Variants in SPAG16 observed in about 807,000 individuals in gnomAD.
The protein encoded by SPAG16 is sperm associated antigen 16, also known as sperm-associated antigen 16 protein.
A neutral mutation model predicts 80.4 loss-of-function variants in SPAG16; 86 were observed. The ratio of observed to expected loss-of-function variants is 1.07; its 90% CI spans 0.90 to 1.28. SPAG16 has a LOEUF of 1.28. Ranked by LOEUF, SPAG16 falls within the 50% of genes most tolerant of loss-of-function variation. SPAG16 has a pLI of 0.00. For synonymous variants in SPAG16, 294 were observed against 265.9 expected (o/e 1.11, Z -1.03); for missense variants, 870 against 765.3 (o/e 1.14, Z -1.61).
intron 12 of SPAG16, among the ~76,000 whole-genome samples, chr2:213,954,177 C>T (rs1320476012): frequency 1.3e-5 from 2 of 150,818 alleles, no homozygotes; most frequent in African/African-American, 4.9e-5. Context: ...TCACTGTTGC[C>T]AGGCTGTAGT....
At chr2:214,393,038 G>A (rs1388738414) in intron 15 of SPAG16, among the ~76,000 whole-genome samples, 2 of 152,166 alleles carry the variant, frequency 1.3e-5, no homozygotes, top group African/African-American at 4.8e-5. Context: ...ATGAAACTTC[G>A]TGGTGGAAGG....
chr2:214,188,017 A>G (rs1035286404), intron 15 of SPAG16, among the ~76,000 whole-genome samples: 1 of 152,100 alleles, frequency 6.6e-6, no homozygotes, highest in Admixed American at 6.6e-5. Flanking sequence ...TTCCATCCAG[A>G]ACCATAAGAA....
chr2:213,799,729 T>C (rs907356312), intron 10 of SPAG16, among the ~76,000 whole-genome samples: 12 of 152,120 alleles, frequency 7.9e-5, no homozygotes, highest in African/African-American at 1.4e-4. Flanking sequence ...GTAAACTTGT[T>C]ATAGGACTTA....
chr2:214,214,790 A>G (rs1212369761), intron 15 of SPAG16, among the ~76,000 whole-genome samples: 1 of 151,852 alleles, frequency 6.6e-6, no homozygotes, highest in African/African-American at 2.4e-5. Context: ...GGAAATTTAA[A>G]GACTCAAACT....
intron 10 of SPAG16, among the ~76,000 whole-genome samples, chr2:213,508,840 C>T (rs145818425): frequency 0.086 from 13,059 of 151,640 alleles, 1,406 homozygotes; most frequent in African/African-American, 0.25. Flanking sequence ...CTGGGTGCAG[C>T]GCACCAACAT....
chr2:214,013,142 A>G (rs2047400798), intron 12 of SPAG16, among the ~76,000 whole-genome samples: 1 of 151,754 alleles, frequency 6.6e-6, no homozygotes, highest in South Asian at 2.1e-4. Context: ...ATTGGCATAG[A>G]ATGTCTAGGG....
intron 14 of SPAG16, among the ~76,000 whole-genome samples, chr2:214,131,085 T>G (rs2054741523): frequency 6.6e-6 from 1 of 152,072 alleles, no homozygotes; most frequent in Non-Finnish European, 1.5e-5. Context: ...TTATGCTAGG[T>G]GTCGTGGGAG....
At chr2:213,857,851 TATAAAC>T (rs2075243192) in intron 10 of SPAG16, among the ~76,000 whole-genome samples, 1 of 152,204 alleles carries the variant, frequency 6.6e-6, no homozygotes, top group South Asian at 2.1e-4. Context: ...GAGATCAAAA[TATAAAC>T]ATTAACAGAA....
intron 14 of SPAG16, among the ~76,000 whole-genome samples, chr2:214,118,980 T>G (rs913121123): frequency 6.6e-6 from 1 of 152,152 alleles, no homozygotes; most frequent in African/African-American, 2.4e-5. Flanking sequence ...ATTCAAATAT[T>G]CTTACCATAA....
chr2:213,440,477 C>T (rs780759315), intron 9 of SPAG16, among the ~76,000 whole-genome samples: 3 of 152,268 alleles, frequency 2.0e-5, no homozygotes, highest in Non-Finnish European at 4.4e-5. Flanking sequence ...ATGGTGTGAA[C>T]CCAGGAGGCT....
intron 15 of SPAG16, among the ~76,000 whole-genome samples, chr2:214,368,485 T>C (rs1045584344): frequency 1.2e-4 from 19 of 152,102 alleles, no homozygotes; most frequent in Non-Finnish European, 2.5e-4. Context: ...AGAAATTTAT[T>C]TTTGTTCTAT....
intron 15 of SPAG16, among the ~76,000 whole-genome samples, chr2:214,149,986 A>G (rs1359451169): frequency 6.6e-6 from 1 of 152,070 alleles, no homozygotes; most frequent in Non-Finnish European, 1.5e-5. Context: ...ATTGAATAAT[A>G]TATTTTTTCT....
chr2:213,363,574 C>G (rs1305643273), intron 7 of SPAG16, among the ~76,000 whole-genome samples: 1 of 151,842 alleles, frequency 6.6e-6, no homozygotes, highest in South Asian at 2.1e-4. Flanking sequence ...GACACCAAAG[C>G]TAACAAAAGT....
Position 214,180,673 on chromosome 2 carries a change from G to A in SPAG16, c.1720+31407G>A, listed in dbSNP as rs150192591. 3.4e-3 allele frequency among the ~76,000 whole-genome samples: 518 copies of A among 151,768 alleles called. 2 individuals carry two copies. Among genetic ancestry groups the A allele is most frequent in the African/African-American group, 0.012 (479 of 41,498 alleles). On this transcript the variant is annotated intron_variant, in intron 15 of 15. Coordinates refer to ENST00000331683, the MANE Select transcript of SPAG16 (RefSeq NM_024532.5). The stretch of plus-strand genomic sequence containing the variant: ...TAATCACCAAAGTAAGAAAAAGGAT[G>A]TATACTTGGAGTTAAGACACCTAGA...
intron 15 of SPAG16, among the ~76,000 whole-genome samples, chr2:214,302,797 A>G (rs990822944): frequency 6.6e-6 from 1 of 152,166 alleles, no homozygotes; most frequent in African/African-American, 2.4e-5. Context: ...ACTTCATTTT[A>G]TGAATATAAT....
At chr2:213,818,873 C>G (rs1163976705) in intron 10 of SPAG16, among the ~76,000 whole-genome samples, 3 of 152,066 alleles carry the variant, frequency 2.0e-5, no homozygotes, top group Non-Finnish European at 2.9e-5. Flanking sequence ...GCCTGCTTCC[C>G]CTTTGCCTTC....
At chr2:213,454,108 C>T (rs749198159) in intron 9 of SPAG16, among the ~76,000 whole-genome samples, 64 of 152,034 alleles carry the variant, frequency 4.2e-4, no homozygotes, top group Non-Finnish European at 7.1e-4. Context: ...TAATAGCAAA[C>T]GGGGAACATG....
chr2:213,648,534 A>T (rs1485230369), intron 10 of SPAG16, among the ~76,000 whole-genome samples: 2 of 152,136 alleles, frequency 1.3e-5, no homozygotes, highest in African/African-American at 4.8e-5. Flanking sequence ...CTGAAACTGC[A>T]TAGCAAAAAG....
At chr2:214,018,260 A>C (rs1482670202) in intron 13 of SPAG16, among the ~76,000 whole-genome samples, 2 of 152,122 alleles carry the variant, frequency 1.3e-5, no homozygotes, top group Non-Finnish European at 2.9e-5. Flanking sequence ...TTATTAAAAA[A>C]CAAAACAAAA....
Sources: gnomAD v4.1 joint callset for allele counts (sites outside exome capture counted in the v4.1 genomes callset) on GRCh38, gnomAD v4.1.1 for gene constraint, MANE v1.5 for transcripts, NCBI Gene and HGNC (gene_info 2026-07-23, HGNC 2026-07-21) for gene names.